Variants in SUSD5 observed in about 807,000 individuals in gnomAD.
SUSD5 encodes the protein sushi domain-containing protein 5.
A neutral mutation model predicts 29.5 loss-of-function variants in SUSD5; 33 were observed. That is an observed-to-expected ratio of 1.12 (90% CI 0.85 to 1.49). SUSD5 has a LOEUF of 1.49. Among genes scored for constraint, SUSD5 ranks in the 40% most tolerant of loss-of-function variants. SUSD5 has a pLI of 0.00. For synonymous variants in SUSD5, 308 were observed against 325.3 expected (o/e 0.95, Z 0.57); for missense variants, 776 against 800.6 (o/e 0.97, Z 0.37).
rs1370987627 is a variant in SUSD5 at position 33,152,950 on chromosome 3, G to A, written c.1682C>T (p.Ser561Leu). The part of the protein sequence containing the change: ...ASEELHPTLE[S>L]CVGDGCPGLS... ...GCCAGGACATCCGTCCCCCACACAC[G>A]ACTCCAAGGTGGGATGAAGCTCCTC... The change falls in exon 5 of 5, where the codon TCG (serine) becomes TTG (leucine). Residue 561 changes from serine (S) to leucine (L), a missense_variant. Coordinates refer to ENST00000309558, the MANE Select transcript of SUSD5 (RefSeq NM_015551.2). 16 of 1,613,848 alleles carry A rather than the reference G, an allele frequency of 9.9e-6. No individual in the cohort carries two copies. Among genetic ancestry groups the A allele is most frequent in the African/African-American group, 1.3e-5 (1 of 74,948 alleles).
intron 1 of SUSD5, among the ~76,000 whole-genome samples, chr3:33,218,003 T>G (rs1242069807): frequency 6.6e-6 from 1 of 152,222 alleles, no homozygotes; most frequent in Admixed American, 6.5e-5. Context: ...ACAAGCTAAA[T>G]TCAGGCTGAA....
At chr3:33,209,490 C>T (rs112382775) in intron 2 of SUSD5, among the ~76,000 whole-genome samples, 6 of 151,772 alleles carry the variant, frequency 4.0e-5, no homozygotes, top group African/African-American at 1.5e-4. Flanking sequence ...GGATATCTTC[C>T]TCTGAAATAT....
rs1017495383 is a variant in SUSD5 at position 33,167,046 on chromosome 3, G to C, written c.598+7840C>G. On this transcript the variant is annotated intron_variant, in intron 4 of 4. Coordinates refer to ENST00000309558, the MANE Select transcript of SUSD5 (RefSeq NM_015551.2). This position sits in a 1 kb window ranked among gnomAD's most constrained non-coding sequence, Gnocchi z 4.1. The stretch of plus-strand genomic sequence containing the variant: ...GTACAAAAATTAGCTGAGCGTGGTG[G>C]TGCGTGCCTGTAATCCCAGGTACTC... 2.3e-4 allele frequency among the ~76,000 whole-genome samples: 35 copies of C among 152,224 alleles called. No homozygotes were observed. Among genetic ancestry groups the C allele is most frequent in the Admixed American group, 1.2e-3 (19 of 15,286 alleles).
At chr3:33,201,178 T>C (rs2032110563) in intron 3 of SUSD5, among the ~76,000 whole-genome samples, 1 of 152,154 alleles carries the variant, frequency 6.6e-6, no homozygotes, top group South Asian at 2.1e-4. Flanking sequence ...TATCTCCAAG[T>C]CCATGCTCAG....
At chr3:33,172,219 ACAC>A (rs2031442224) in intron 4 of SUSD5, among the ~76,000 whole-genome samples, 1 of 132,298 alleles carries the variant, frequency 7.6e-6, no homozygotes, top group Non-Finnish European at 1.6e-5. Context: ...ACACACACAC[ACAC>A]TCTTCTTACA....
chr3:33,215,646 A>G (rs891282136), intron 1 of SUSD5, among the ~76,000 whole-genome samples: 5 of 152,208 alleles, frequency 3.3e-5, no homozygotes, highest in Admixed American at 2.6e-4. Context: ...ATACAGAACC[A>G]GGCAGTATGG....
intron 3 of SUSD5, among the ~76,000 whole-genome samples, chr3:33,179,648 CG>C (rs1268645893): frequency 1.3e-5 from 2 of 152,162 alleles, no homozygotes; most frequent in African/African-American, 4.8e-5. Flanking sequence ...CCAAGTTTTA[CG>C]GCTTGCTTTG....
At chr3:33,212,483 C>T (rs532524963) in intron 2 of SUSD5, among the ~76,000 whole-genome samples, 1 of 152,348 alleles carries the variant, frequency 6.6e-6, no homozygotes, top group African/African-American at 2.4e-5. Flanking sequence ...ACGGGTCAGG[C>T]ACTCAAATAG....
At chr3:33,194,552 A>G (rs997320163) in intron 3 of SUSD5, among the ~76,000 whole-genome samples, 1 of 152,216 alleles carries the variant, frequency 6.6e-6, no homozygotes. Context: ...ACATGTTTCA[A>G]GGAAGTGTGT....
intron 3 of SUSD5, among the ~76,000 whole-genome samples, chr3:33,206,245 G>A (rs577170836): frequency 3.9e-5 from 6 of 152,012 alleles, no homozygotes; most frequent in Non-Finnish European, 7.4e-5. Flanking sequence ...ATGGTGGCGG[G>A]CGCCTGTAAT....
chr3:33,155,258 A>T (rs2031024552), intron 4 of SUSD5, among the ~76,000 whole-genome samples: 2 of 152,206 alleles, frequency 1.3e-5, no homozygotes, highest in African/African-American at 4.8e-5. Flanking sequence ...ACCATAGAAA[A>T]ATTGGCAAGA....
chr3:33,160,793 A>C (rs1413751025), intron 4 of SUSD5, among the ~76,000 whole-genome samples: 1 of 136,486 alleles, frequency 7.3e-6, no homozygotes, highest in African/African-American at 2.9e-5. Flanking sequence ...AATTTTATAA[A>C]ACCAGAAAAA....
At chr3:33,194,834 T>C (rs1051715520) in intron 3 of SUSD5, among the ~76,000 whole-genome samples, 2 of 152,228 alleles carry the variant, frequency 1.3e-5, no homozygotes, top group African/African-American at 4.8e-5. Context: ...GATGAAAATA[T>C]GAATTATTAG....
rs1165491581 is a variant in SUSD5 at position 33,153,564 on chromosome 3, G to A, written c.1068C>T (p.Ser356=). 6.2e-7 allele frequency: 1 copy of A among 1,613,850 alleles called. No individual in the cohort carries two copies. The highest frequency in any genetic ancestry group is 8.5e-7 in the Non-Finnish European group (1 of 1,179,914). ...PSGPFVGKND[S]KAGDPVVSSS... ...TGCTCACCACTGGATCTCCTGCCTTGCTGTCATTCTTGCCCACAAATGGCC... is the reference window on the plus strand; with the variant it reads ...TGCTCACCACTGGATCTCCTGCCTTACTGTCATTCTTGCCCACAAATGGCC... The change falls in exon 5 of 5, where the codon AGC becomes AGT. Residue 356 remains serine (S), a synonymous_variant. Transcript: ENST00000309558.
At position 33,197,065 on chromosome 3, in the gene SUSD5, T is replaced by C. The variant is rs7647653; in HGVS notation, c.409+10743A>G. ...ACAGCAGGTGTTAGCTATTACTATT[T>C]TCCTTCTGAGGTTGAGAATCTGAAG... On this transcript the variant is annotated intron_variant, in intron 3 of 4. Coordinates refer to ENST00000309558, the MANE Select transcript of SUSD5 (RefSeq NM_015551.2). 8.5e-3 allele frequency among the ~76,000 whole-genome samples: 1,295 copies of C among 152,318 alleles called. 24 individuals are homozygous for C. The highest frequency in any genetic ancestry group is 0.029 in the African/African-American group (1,197 of 41,570).
At chr3:33,188,783 G>A (rs1165017538) in intron 3 of SUSD5, among the ~76,000 whole-genome samples, 1 of 152,168 alleles carries the variant, frequency 6.6e-6, no homozygotes, top group African/African-American at 2.4e-5. Flanking sequence ...TGAAGAAAAT[G>A]TTCTATATCA....
intron 3 of SUSD5, chr3:33,190,237 T>A (rs2031864658): frequency 6.3e-6 from 1 of 159,740 alleles, no homozygotes; most frequent in East Asian, 1.7e-4. Context: ...TTAGTACTCG[T>A]TAGCAGCTTT....
chr3:33,174,674 T>C (rs924057715), intron 4 of SUSD5, among the ~76,000 whole-genome samples: 2 of 152,186 alleles, frequency 1.3e-5, no homozygotes, highest in Non-Finnish European at 2.9e-5. Context: ...ACTCCCAGCA[T>C]GGAAGATGAA....
At chr3:33,215,365 C>A (rs2032409314) in intron 1 of SUSD5, among the ~76,000 whole-genome samples, 1 of 152,046 alleles carries the variant, frequency 6.6e-6, no homozygotes, top group Non-Finnish European at 1.5e-5. Context: ...TAAAACTGAT[C>A]AAATACTGAG....
Sources: allele counts gnomAD v4.1 joint callset (sites outside exome capture counted in the v4.1 genomes callset), GRCh38; gene constraint gnomAD v4.1.1; non-coding constraint Gnocchi (gnomAD v3.1); transcripts MANE v1.5; gene names NCBI Gene and HGNC (gene_info 2026-07-23, HGNC 2026-07-21).